The following LMO7 variants were observed in gnomAD, a reference collection of about 807,000 sequenced individuals.
The protein encoded by LMO7 is LIM domain 7.
A neutral mutation model predicts 206.5 loss-of-function variants in LMO7; 120 were observed. The ratio of observed to expected loss-of-function variants is 0.58; its 90% CI spans 0.50 to 0.68. LMO7 has a LOEUF of 0.68. LMO7 is among the 30% of genes least tolerant of loss of function. The pLI is 0.00. For synonymous variants in LMO7, 706 were observed against 681.5 expected (o/e 1.04, Z -0.56); for missense variants, 1,959 against 1,957.9 (o/e 1.00, Z -0.01).
intron 3 of LMO7, among the ~76,000 whole-genome samples, chr13:75,735,607 G>A (rs980647812): frequency 1.5e-4 from 22 of 151,468 alleles, no homozygotes; most frequent in South Asian, 4.2e-4. Flanking sequence ...GACTACAGGC[G>A]CGCGGCACCA....
exon 1 of LMO7, chr13:75,621,006 G>A (rs187531652): frequency 6.6e-6 from 1 of 152,056 alleles, no homozygotes; most frequent in Admixed American, 6.6e-5. Context: ...TGTGAGACCT[G>A]GTTTTATTCT....
At chr13:75,661,711 T>A (rs1594124337) in intron 1 of LMO7, among the ~76,000 whole-genome samples, 1 of 152,220 alleles carries the variant, frequency 6.6e-6, no homozygotes, top group East Asian at 1.9e-4. Flanking sequence ...TTGGAGTGCA[T>A]CTGCACTGGA....
intron 16 of LMO7, 142 bp from the exon 17 acceptor site, chr13:75,834,084 T>TA (rs1378331020): frequency 3.8e-5 from 22 of 585,104 alleles, no homozygotes; most frequent in Non-Finnish European, 5.5e-5. Flanking sequence ...TATTTGGTAT[T>TA]AAAAAAAATA....
chr13:75,757,452 G>A (rs772984377), intron 3 of LMO7, among the ~76,000 whole-genome samples: 8 of 152,166 alleles, frequency 5.3e-5, no homozygotes, highest in Non-Finnish European at 1.2e-4. Flanking sequence ...GGGTACTACA[G>A]TGAACAAATA....
chr13:75,824,670 A>G (rs558587418), intron 15 of LMO7, among the ~76,000 whole-genome samples: 3 of 152,120 alleles, frequency 2.0e-5, no homozygotes, highest in Non-Finnish European at 4.4e-5. Context: ...GCATTTTGAT[A>G]GTTGTATGAA....
At chr13:75,712,588 C>T (rs2043206971) in intron 1 of LMO7, among the ~76,000 whole-genome samples, 1 of 152,168 alleles carries the variant, frequency 6.6e-6, no homozygotes, top group Non-Finnish European at 1.5e-5. Context: ...AAAATATTCA[C>T]CATCTCACCT....
rs147101488 is a variant in LMO7, at chr13:75,736,255, A to G, written c.210+9157A>G. 8.0e-4 allele frequency among the ~76,000 whole-genome samples: 122 copies of G among 152,356 alleles called. 1 individual carries two copies. Among genetic ancestry groups the G allele is most frequent in the Admixed American group, 1.9e-3 (29 of 15,310 alleles). On this transcript the variant is annotated intron_variant, in intron 3 of 30. Coordinates refer to ENST00000377534, the MANE Select transcript of LMO7 (RefSeq NM_001306080.2). ...GAATACAGGACACTGAGCATTTTCAATTGGCTATAGGAGCATAAGAGTGAC... is the reference window on the plus strand; with the variant it reads ...GAATACAGGACACTGAGCATTTTCAGTTGGCTATAGGAGCATAAGAGTGAC...
chr13:75,857,960 A>G lies in LMO7; in HGVS notation c.*17A>G. The G allele has an allele frequency of 6.2e-7, 1 of 1,610,112 alleles. No individual in the cohort carries two copies. Among genetic ancestry groups the G allele is most frequent in the East Asian group, 2.2e-5 (1 of 44,582 alleles). On this transcript the variant is annotated 3_prime_UTR_variant, in exon 31 of 31. Coordinates refer to ENST00000377534, the MANE Select transcript of LMO7 (RefSeq NM_001306080.2). ...GCCATGTGATGTAAGCCTCCATACG[A>G]AAGCACTGTTGCAGATAGAAGAAGA... is the stretch of plus-strand genomic sequence containing the variant.
intron 4 of LMO7, among the ~76,000 whole-genome samples, chr13:75,776,286 A>G (rs1204855740): frequency 6.8e-6 from 1 of 147,328 alleles, no homozygotes; most frequent in Non-Finnish European, 1.5e-5. Context: ...CGTGGGAATT[A>G]CAGAACCAGG....
chr13:75,708,992 C>G (rs1401180869), intron 1 of LMO7, among the ~76,000 whole-genome samples: 1 of 152,168 alleles, frequency 6.6e-6, no homozygotes, highest in East Asian at 1.9e-4. Flanking sequence ...GTTCCCCTTC[C>G]TGTGTCCATG....
At chr13:75,630,436 G>A (rs2034764509) in intron 2 of LMO7, among the ~76,000 whole-genome samples, 1 of 152,208 alleles carries the variant, frequency 6.6e-6, no homozygotes, top group Non-Finnish European at 1.5e-5. Context: ...ACTTTGGTAG[G>A]CTGAGGCGGG....
At chr13:75,776,201 ATAT>A (rs1351407184) in intron 4 of LMO7, among the ~76,000 whole-genome samples, 13 of 115,874 alleles carry the variant, frequency 1.1e-4, no homozygotes, top group Non-Finnish European at 1.8e-4. Context: ...ATATATATAT[ATAT>A]AACGTTAAGT....
chr13:75,623,450 G>A (rs530809223), intron 2 of LMO7: 204 of 581,600 alleles, frequency 3.5e-4, no homozygotes, highest in African/African-American at 2.2e-3. Flanking sequence ...TGCAACCTCT[G>A]CCTCCCGGGT....
At chr13:75,839,668 G>A (rs939683797) in intron 20 of LMO7, 1 of 155,112 alleles carries the variant, frequency 6.4e-6, no homozygotes, top group Non-Finnish European at 1.4e-5. Flanking sequence ...CAGCTGTCAT[G>A]TTGTGAGTAG....
intron 1 of LMO7, among the ~76,000 whole-genome samples, chr13:75,637,987 TG>T (rs1477352640): frequency 7.2e-5 from 11 of 152,200 alleles, no homozygotes; most frequent in African/African-American, 1.7e-4. Context: ...GAAATGAGAG[TG>T]GAAAAATTCC....
chr13:75,721,008 T>C (rs940904369), intron 2 of LMO7, among the ~76,000 whole-genome samples: 9 of 152,214 alleles, frequency 5.9e-5, no homozygotes, highest in Admixed American at 4.6e-4. Context: ...CTTATGAATT[T>C]AAATAAAAGT....
At chr13:75,646,653 G>A (rs887284523) in intron 1 of LMO7, among the ~76,000 whole-genome samples, 6 of 151,674 alleles carry the variant, frequency 4.0e-5, no homozygotes, top group Admixed American at 6.6e-5. Flanking sequence ...GCACGATCTC[G>A]GCTCATGGCA....
chr13:75,681,718 GTATATA>G lies in LMO7; in HGVS notation c.70-31438_70-31433del, dbSNP rs71127572. ...TATGTATGTATGTGTATATATATAT[GTATATA>G]TATATATATATATATATATATATAT... On this transcript the variant is annotated intron_variant, in intron 1 of 30. Transcript: ENST00000377534. Among the ~76,000 whole-genome samples the G allele has an allele frequency of 3.2e-3, 334 of 104,554 alleles. 5 individuals are homozygous for G. The highest frequency in any genetic ancestry group is 0.013 in the South Asian group (37 of 2,902). The allele number at this position is 104,554 out of a possible 152,430, so 68.6% of individuals were successfully genotyped here.
chr13:75,710,267 G>C (rs1334806994), intron 1 of LMO7, among the ~76,000 whole-genome samples: 1 of 152,194 alleles, frequency 6.6e-6, no homozygotes, highest in Non-Finnish European at 1.5e-5. Context: ...GCTTAGGATT[G>C]ACTTGGCAAT....
Sources: allele counts gnomAD v4.1 joint callset (sites outside exome capture counted in the v4.1 genomes callset), GRCh38; gene constraint gnomAD v4.1.1; transcripts MANE v1.5; gene names NCBI Gene and HGNC (gene_info 2026-07-23, HGNC 2026-07-21).